The following MLLT3 variants were observed in gnomAD, a reference collection of about 807,000 sequenced individuals.
MLLT3 encodes the protein protein AF-9.
A neutral mutation model predicts 53.2 loss-of-function variants in MLLT3; 4 were observed. The observed-to-expected ratio is 0.08, with a 90% confidence interval of 0.04 to 0.17. The LOEUF is 0.17. Among genes scored for constraint, MLLT3 ranks in the 10% least tolerant of loss-of-function variants. MLLT3 has a pLI of 1.00. For synonymous variants in MLLT3, 283 were observed against 230.6 expected (o/e 1.23, Z -2.06); for missense variants, 569 against 684.0 (o/e 0.83, Z 1.87).
chr9:20,621,992 G>A lies in MLLT3; in HGVS notation c.12+253C>T. The A allele has an allele frequency of 7.2e-7, 1 of 1,397,640 alleles. No individual in the cohort carries two copies. The highest frequency in any genetic ancestry group is 1.5e-5 in the African/African-American group (1 of 66,614). The allele number at this position is 1,397,640 out of a possible 1,614,324, so 86.6% of individuals were successfully genotyped here. On this transcript the variant is annotated intron_variant, in intron 1 of 10. Coordinates refer to ENST00000380338, the MANE Select transcript of MLLT3 (RefSeq NM_004529.4). The surrounding 1 kb of genome is among the most constrained non-coding windows in gnomAD (Gnocchi z 7.0). ...TGACTGCAAAGAGGCGAGGAGGGAGGGAGGCGCGGGGGGTGGAGGGGCGAG... is the reference window on the plus strand; with the variant it reads ...TGACTGCAAAGAGGCGAGGAGGGAGAGAGGCGCGGGGGGTGGAGGGGCGAG...
At chr9:20,421,450 C>T (rs1823006778) in intron 4 of MLLT3, among the ~76,000 whole-genome samples, 1 of 151,932 alleles carries the variant, frequency 6.6e-6, no homozygotes, top group African/African-American at 2.4e-5. Context: ...AAACCAAGTA[C>T]AAAGCTAAAC....
At chr9:20,566,498 G>C (rs1390367665) in intron 2 of MLLT3, among the ~76,000 whole-genome samples, 1 of 152,036 alleles carries the variant, frequency 6.6e-6, no homozygotes, top group Non-Finnish European at 1.5e-5. Flanking sequence ...CATTTGTTAT[G>C]TATCCTTCCA....
chr9:20,355,070 A>C (rs561193565), intron 8 of MLLT3, among the ~76,000 whole-genome samples, 191 bp from the exon 9 acceptor site: 2 of 150,644 alleles, frequency 1.3e-5, no homozygotes, highest in Non-Finnish European at 2.9e-5. Context: ...CTTAGATCTG[A>C]AATGCTGAGT....
chr9:20,515,826 T>C (rs1334400630), intron 2 of MLLT3, among the ~76,000 whole-genome samples: 1 of 152,132 alleles, frequency 6.6e-6, no homozygotes, highest in Non-Finnish European at 1.5e-5. Flanking sequence ...GATCAGGCTG[T>C]GGCCTTCCCC....
intron 2 of MLLT3, among the ~76,000 whole-genome samples, chr9:20,618,863 T>C (rs1008902125): frequency 2.0e-5 from 3 of 152,218 alleles, no homozygotes; most frequent in South Asian, 4.1e-4. Flanking sequence ...TAATGCCAAT[T>C]TGTTGATTGT....
At position 20,360,771 on chromosome 9, in the gene MLLT3, G is replaced by A. The variant is rs1239707217; in HGVS notation, c.1402C>T (p.Pro468Ser). 6.2e-7 allele frequency: 1 copy of A among 1,614,126 alleles called. No individual in the cohort carries two copies. The highest frequency in any genetic ancestry group is 8.5e-7 in the Non-Finnish European group (1 of 1,179,940). Residue 468 changes from proline (P) to serine (S), a missense_variant, in exon 8 of 11, where the codon CCA (proline) becomes TCA (serine). By Grantham distance (74) the Pro-to-Ser change is moderately conservative. Transcript: ENST00000380338. Reference protein sequence around the residue: ...ASSPLHHEPPPPLLKTNNNQI... With the variant: ...ASSPLHHEPPSPLLKTNNNQI... ...TTGTTGTTGGTTTTTAGTAAGGGTG[G>A]TGGAGGTTCGTGATGTAGGGGTGAA...
intron 4 of MLLT3, 63 bp from the exon 5 acceptor site, chr9:20,414,488 G>T: frequency 6.3e-7 from 1 of 1,590,056 alleles, no homozygotes; most frequent in Non-Finnish European, 8.5e-7. Flanking sequence ...AGTCAAAAGA[G>T]ATCTACATAA....
rs776694781 is a variant in MLLT3, at chr9:20,620,906, G to C, written c.13-72C>G. On this transcript the variant is annotated intron_variant, in intron 1 of 10. Coordinates refer to ENST00000380338, the MANE Select transcript of MLLT3 (RefSeq NM_004529.4). The surrounding 1 kb of genome is among the most constrained non-coding windows in gnomAD (Gnocchi z 6.1). ...GGTTTCGGCAGTGAACGTTGCGCCT[G>C]ACATTTTTTTCCTCCTTCTTGAAAC... The C allele has an allele frequency of 6.6e-7, 1 of 1,526,510 alleles. No individual in the cohort carries two copies. Among genetic ancestry groups the C allele is most frequent in the Non-Finnish European group, 9.0e-7 (1 of 1,108,612 alleles). The allele number at this position is 1,526,510 out of a possible 1,614,324, so 94.6% of individuals were successfully genotyped here.
Position 20,413,989 on chromosome 9 carries a change from G to T in MLLT3, c.857C>A (p.Pro286His). ...QDKKAPSKRP[P>H]ISDSEELSAK... ...TGAGAGTTCTTCAGAATCTGAAATG[G>T]GCGGCCTTTTACTAGGAGCCTTCTT... Residue 286 changes from proline (P) to histidine (H), a missense_variant, in exon 5 of 11, where the codon CCC (proline) becomes CAC (histidine). By Grantham distance (77) the Pro-to-His change is moderately conservative. Coordinates refer to ENST00000380338, the MANE Select transcript of MLLT3 (RefSeq NM_004529.4). The T allele has an allele frequency of 6.2e-7, 1 of 1,614,098 alleles. No individual in the cohort carries two copies. The highest frequency in any genetic ancestry group is 8.5e-7 in the Non-Finnish European group (1 of 1,180,014).
intron 5 of MLLT3, among the ~76,000 whole-genome samples, chr9:20,397,983 T>A (rs1822363741): frequency 6.6e-6 from 1 of 152,208 alleles, no homozygotes; most frequent in Non-Finnish European, 1.5e-5. Context: ...ATCTTGTTTC[T>A]GTCACTATGC....
At chr9:20,494,974 T>C (rs181098132) in intron 2 of MLLT3, among the ~76,000 whole-genome samples, 137 of 152,228 alleles carry the variant, frequency 9.0e-4, no homozygotes, top group African/African-American at 3.1e-3. Context: ...GGATGAGAGG[T>C]TGGCTTTTAA....
chr9:20,458,965 C>G (rs980773425), intron 2 of MLLT3, among the ~76,000 whole-genome samples: 92 of 152,246 alleles, frequency 6.0e-4, no homozygotes, highest in Admixed American at 5.4e-3. Flanking sequence ...AGATTTGGGT[C>G]AGAAGACTCA....
At chr9:20,490,624 G>A (rs1045480713) in intron 2 of MLLT3, among the ~76,000 whole-genome samples, 2 of 152,246 alleles carry the variant, frequency 1.3e-5, no homozygotes, top group Non-Finnish European at 2.9e-5. Context: ...ACCCACAGCA[G>A]AGAAACAAGT....
intron 1 of MLLT3, 178 bp downstream of exon 1, chr9:20,622,067 G>C (rs1291324053): frequency 4.2e-6 from 1 of 237,896 alleles, no homozygotes; most frequent in Non-Finnish European, 6.6e-6. Context: ...GTGCGCGCCG[G>C]GGGGGGGTGG....
At chr9:20,554,968 T>C (rs1819017652) in intron 2 of MLLT3, among the ~76,000 whole-genome samples, 1 of 152,230 alleles carries the variant, frequency 6.6e-6, no homozygotes, top group Non-Finnish European at 1.5e-5. Flanking sequence ...TTTAAGTCTG[T>C]AAGAAACAAT....
At chr9:20,528,390 A>C (rs1818253273) in intron 2 of MLLT3, among the ~76,000 whole-genome samples, 1 of 152,254 alleles carries the variant, frequency 6.6e-6, no homozygotes, top group African/African-American at 2.4e-5. Context: ...GTAACAGGAA[A>C]GTGGCTATAT....
chr9:20,603,129 T>C (rs1318592307), intron 2 of MLLT3, among the ~76,000 whole-genome samples: 3 of 152,108 alleles, frequency 2.0e-5, no homozygotes, highest in Non-Finnish European at 4.4e-5. Flanking sequence ...TCAAGCACTT[T>C]TGAAACATTA....
intron 2 of MLLT3, among the ~76,000 whole-genome samples, chr9:20,463,035 G>C (rs945895702): frequency 1.3e-5 from 2 of 152,114 alleles, no homozygotes; most frequent in Admixed American, 1.3e-4. Flanking sequence ...AGAACGTCAT[G>C]CTACACACAC....
Position 20,343,687 on chromosome 9 carries a change from T to G in MLLT3, c.*2756A>C, listed in dbSNP as rs1820797247. 1 of 223,930 alleles carries G rather than the reference T, an allele frequency of 4.5e-6. No homozygotes were observed. The highest frequency in any genetic ancestry group is 8.9e-6 in the Non-Finnish European group (1 of 112,266). The allele number at this position is 223,930 out of a possible 1,614,324, so 13.9% of individuals were successfully genotyped here. ...ATACTCTGGCTGGTTCAAACCATAT[T>G]CACATTTACCCAATTAATTTTATTT... On this transcript the variant is annotated 3_prime_UTR_variant, in exon 11 of 11. Coordinates refer to ENST00000380338, the MANE Select transcript of MLLT3 (RefSeq NM_004529.4).
Sources: gnomAD v4.1 joint callset for allele counts (sites outside exome capture counted in the v4.1 genomes callset) on GRCh38, gnomAD v4.1.1 for gene constraint, Gnocchi (gnomAD v3.1) non-coding constraint, MANE v1.5 for transcripts, NCBI Gene and HGNC (gene_info 2026-07-23, HGNC 2026-07-21) for gene names.